SIPA1L1: variants seen among roughly 807,000 people sequenced by gnomAD.
SIPA1L1 encodes signal-induced proliferation-associated 1-like protein 1.
A neutral mutation model predicts 162.7 loss-of-function variants in SIPA1L1; 26 were observed. The observed-to-expected ratio is 0.16, with a 90% CI of 0.12 to 0.22. SIPA1L1 has a LOEUF of 0.22. Among genes scored for constraint, SIPA1L1 ranks in the 10% least tolerant of loss-of-function variants. SIPA1L1 has a pLI of 1.00. For missense variants in SIPA1L1, 1,874 were observed against 2,241.0 expected (o/e 0.84, Z 3.31); for synonymous variants, 829 against 837.4 (o/e 0.99, Z 0.17).
At chr14:71,330,427 G>A (rs759969861) in intron 2 of SIPA1L1, 35 of 1,511,350 alleles carry the variant, frequency 2.3e-5, no homozygotes, top group Admixed American at 6.7e-5. Context: ...CAGGATCTCA[G>A]CAGCCTTGCT....
intron 2 of SIPA1L1, among the ~76,000 whole-genome samples, chr14:71,488,273 G>C (rs1034081522): frequency 6.6e-6 from 1 of 152,010 alleles, no homozygotes; most frequent in African/African-American, 2.4e-5. Flanking sequence ...TTTATTAAAT[G>C]GAGTTTACTG....
chr14:71,337,180 C>G (rs762903777), intron 2 of SIPA1L1, among the ~76,000 whole-genome samples: 2 of 152,198 alleles, frequency 1.3e-5, no homozygotes, highest in Non-Finnish European at 2.9e-5. Flanking sequence ...TTGGCCTCTA[C>G]CAGACTATGT....
intron 2 of SIPA1L1, among the ~76,000 whole-genome samples, chr14:71,398,009 A>AAT (rs2041355843): frequency 1.1e-5 from 1 of 93,798 alleles, no homozygotes; most frequent in Non-Finnish European, 1.8e-5. Flanking sequence ...AAAAAAAAAA[A>AAT]TTTTTTTTTT....
chr14:71,634,787 T>C (rs763678574), intron 7 of SIPA1L1, among the ~76,000 whole-genome samples: 26 of 151,356 alleles, frequency 1.7e-4, no homozygotes, highest in Non-Finnish European at 2.7e-4. Context: ...ATACAAAAAA[T>C]TAGCCAGGCG....
At chr14:71,706,614 C>T (rs1454545282) in intron 16 of SIPA1L1, among the ~76,000 whole-genome samples, 1 of 152,140 alleles carries the variant, frequency 6.6e-6, no homozygotes, top group African/African-American at 2.4e-5. Context: ...AAGTTCTGTC[C>T]TATTAAGAAT....
intron 7 of SIPA1L1, among the ~76,000 whole-genome samples, chr14:71,632,241 G>A (rs1306981269): frequency 1.3e-5 from 2 of 152,114 alleles, no homozygotes; most frequent in African/African-American, 4.8e-5. Context: ...GAGATCTCTG[G>A]AATGGCATAG....
At chr14:71,635,091 A>G (rs1056548270) in intron 7 of SIPA1L1, among the ~76,000 whole-genome samples, 1 of 152,170 alleles carries the variant, frequency 6.6e-6, no homozygotes, top group African/African-American at 2.4e-5. Flanking sequence ...CAGCCTGCCT[A>G]ACATGGTGAA....
rs184851176 is a variant in SIPA1L1 at position 71,482,070 on chromosome 14, A to G, written c.-464-30673A>G. ...TACCATGCTTTTGTTACTTAAGACT[A>G]ATGAGACCATTGGGACCCTTTATGG... On this transcript the variant is annotated intron_variant, in intron 2 of 23. Transcript: ENST00000381232. Among the ~76,000 whole-genome samples, 11 of 152,252 alleles carry G rather than the reference A, an allele frequency of 7.2e-5. No individual in the cohort carries two copies. In the East Asian group the frequency reaches 1.2e-3, roughly 16 times the overall value.
At chr14:71,425,500 C>CTACAAT (rs1313799122) in intron 2 of SIPA1L1, among the ~76,000 whole-genome samples, 2 of 151,998 alleles carry the variant, frequency 1.3e-5, no homozygotes, top group African/African-American at 4.8e-5. Context: ...GTTCAGTATC[C>CTACAAT]TACAATTTTG....
chr14:71,644,967 A>G (rs2042035623), intron 7 of SIPA1L1, among the ~76,000 whole-genome samples: 1 of 152,194 alleles, frequency 6.6e-6, no homozygotes, highest in Non-Finnish European at 1.5e-5. Context: ...AACAACATAG[A>G]TTTGTTATTT....
chr14:71,541,685 ATTAC>A (rs746624097), intron 4 of SIPA1L1, among the ~76,000 whole-genome samples: 33 of 152,252 alleles, frequency 2.2e-4, no homozygotes, highest in Non-Finnish European at 4.3e-4. Flanking sequence ...AAGCAGGAGG[ATTAC>A]TTGAGTCTAG....
intron 3 of SIPA1L1, among the ~76,000 whole-genome samples, chr14:71,516,679 CTT>C (rs942496682): frequency 6.9e-6 from 1 of 145,438 alleles, no homozygotes. Flanking sequence ...TTAAAAATGC[CTT>C]TTTTTTTTTG....
intron 2 of SIPA1L1, among the ~76,000 whole-genome samples, chr14:71,364,014 T>TA (rs1196869483): frequency 6.6e-6 from 1 of 152,220 alleles, no homozygotes; most frequent in Admixed American, 6.5e-5. Flanking sequence ...AGAAACCTTT[T>TA]ACGCTGTTAA....
intron 5 of SIPA1L1, among the ~76,000 whole-genome samples, chr14:71,603,694 G>A (rs914682635): frequency 4.6e-5 from 7 of 151,906 alleles, no homozygotes; most frequent in South Asian, 2.1e-4. Context: ...AGGCCGAGGC[G>A]GGTGGATCAC....
At chr14:71,350,645 G>A (rs996933082) in intron 2 of SIPA1L1, among the ~76,000 whole-genome samples, 13 of 152,164 alleles carry the variant, frequency 8.5e-5, no homozygotes, top group African/African-American at 2.9e-4. Context: ...TGGGTCCGGG[G>A]ACATAGGAAA....
chr14:71,570,009 C>T (rs2146951877), intron 4 of SIPA1L1, among the ~76,000 whole-genome samples: 1 of 152,258 alleles, frequency 6.6e-6, no homozygotes, highest in East Asian at 1.9e-4. Flanking sequence ...GCATTTTTAG[C>T]TTCTACTATG....
chr14:71,502,242 GAA>G (rs139102210), intron 2 of SIPA1L1, among the ~76,000 whole-genome samples: 82 of 108,322 alleles, frequency 7.6e-4, no homozygotes, highest in African/African-American at 2.1e-3. Context: ...TGAGATACTT[GAA>G]AAAAAAAAAA....
intron 4 of SIPA1L1, among the ~76,000 whole-genome samples, chr14:71,540,023 G>A (rs146720406): frequency 3.0e-4 from 46 of 152,280 alleles, no homozygotes; most frequent in Non-Finnish European, 4.9e-4. Context: ...GAAATGCTTC[G>A]GCACTGGCAG....
chr14:71,366,184 C>T (rs2038276994), intron 2 of SIPA1L1, among the ~76,000 whole-genome samples: 1 of 152,118 alleles, frequency 6.6e-6, no homozygotes, highest in Non-Finnish European at 1.5e-5. Context: ...TGTGCAGCTA[C>T]AGATAATTAC....
Sources: gnomAD v4.1 joint callset for allele counts (sites outside exome capture counted in the v4.1 genomes callset) on GRCh38, gnomAD v4.1.1 for gene constraint, MANE v1.5 for transcripts, NCBI Gene and HGNC (gene_info 2026-07-23, HGNC 2026-07-21) for gene names.